ARB2A: variants seen among roughly 807,000 people sequenced by gnomAD.
The protein encoded by ARB2A is cotranscriptional regulator ARB2A.
the ARB2A span, among the ~76,000 whole-genome samples, chr5:93,959,940 C>T: frequency 3.3e-5 from 5 of 151,948 alleles, no homozygotes; most frequent in Non-Finnish European, 7.4e-5. Context: ...CCAGATCAAG[C>T]AGAAAGTTGA....
the ARB2A span, among the ~76,000 whole-genome samples, chr5:94,071,691 A>T: frequency 6.6e-6 from 1 of 152,164 alleles, no homozygotes; most frequent in Non-Finnish European, 1.5e-5. Context: ...AAAATGGCTA[A>T]AACTAAAACA....
chr5:93,861,402 C>T, the ARB2A span: 1 of 149,410 alleles, frequency 6.7e-6, no homozygotes, highest in Non-Finnish European at 1.5e-5. Context: ...TTTTCCACTT[C>T]ACCCCCTAAC....
At chr5:93,708,509 G>A in the ARB2A span, among the ~76,000 whole-genome samples, 1 of 152,160 alleles carries the variant, frequency 6.6e-6, no homozygotes, top group African/African-American at 2.4e-5. Flanking sequence ...AGATCATCAT[G>A]CGTTAGATTC....
the ARB2A span, among the ~76,000 whole-genome samples, chr5:93,988,164 C>T: frequency 6.6e-6 from 1 of 152,176 alleles, no homozygotes; most frequent in South Asian, 2.1e-4. Context: ...CTCTTCCTTG[C>T]TTCTGTAATC....
the ARB2A span, among the ~76,000 whole-genome samples, chr5:93,725,299 A>ATT: frequency 1.3e-5 from 2 of 152,174 alleles, no homozygotes; most frequent in South Asian, 2.1e-4. Flanking sequence ...TGGTATAGTG[A>ATT]TTTTAGTTTG....
chr5:93,970,450 T>A, the ARB2A span, among the ~76,000 whole-genome samples: 1 of 152,166 alleles, frequency 6.6e-6, no homozygotes, highest in Non-Finnish European at 1.5e-5. Flanking sequence ...AATCATTTTT[T>A]AAAAGTTTTT....
the ARB2A span, among the ~76,000 whole-genome samples, chr5:94,050,995 C>T: frequency 6.6e-6 from 1 of 152,096 alleles, no homozygotes; most frequent in South Asian, 2.1e-4. Flanking sequence ...TGCAAACATA[C>T]AGATTATGTA....
At chr5:93,881,563 A>G in the ARB2A span, 1 of 1,611,000 alleles carries the variant, frequency 6.2e-7, no homozygotes, top group Non-Finnish European at 8.5e-7. Flanking sequence ...TAGAAACTTT[A>G]TCTTTTCTTT....
chr5:93,951,680 A>T, the ARB2A span, among the ~76,000 whole-genome samples: 1 of 151,978 alleles, frequency 6.6e-6, no homozygotes, highest in African/African-American at 2.4e-5. Context: ...CCATTGGTTG[A>T]TGTGTCTGTT....
chr5:93,999,716 T>C, the ARB2A span, among the ~76,000 whole-genome samples: 2 of 152,026 alleles, frequency 1.3e-5, no homozygotes, highest in East Asian at 3.9e-4. Context: ...GGTTCAATCT[T>C]GGTGCTGTAC....
the ARB2A span, among the ~76,000 whole-genome samples, chr5:93,886,505 G>C: frequency 6.6e-6 from 1 of 151,806 alleles, no homozygotes; most frequent in Non-Finnish European, 1.5e-5. Flanking sequence ...TTTACCCATA[G>C]ACAAACCACT....
chr5:93,805,287 T>A, the ARB2A span: 19 of 985,148 alleles, frequency 1.9e-5, no homozygotes, highest in Non-Finnish European at 2.2e-5. Flanking sequence ...CTTGAAAGCT[T>A]TTTGGCAATT....
chr5:93,691,308 A>G, the ARB2A span, among the ~76,000 whole-genome samples: 1 of 152,058 alleles, frequency 6.6e-6, no homozygotes, highest in Non-Finnish European at 1.5e-5. Context: ...GCTAACTAGA[A>G]TAAACAGTTT....
At chr5:94,084,274 C>CAAAAAAAAAAAA in the ARB2A span, among the ~76,000 whole-genome samples, 13 of 73,040 alleles carry the variant, frequency 1.8e-4, no homozygotes, top group Non-Finnish European at 2.3e-4. Context: ...AACTTCATCT[C>CAAAAAAAAAAAA]AAAAAAAAAA....
At chr5:93,621,116 G>C in the ARB2A span, 2 of 1,611,632 alleles carry the variant, frequency 1.2e-6, no homozygotes, top group Non-Finnish European at 1.7e-6. Context: ...AAGTTAGCTC[G>C]TGACGGTCGG....
the ARB2A span, among the ~76,000 whole-genome samples, chr5:94,070,527 G>T: frequency 6.6e-6 from 1 of 151,982 alleles, no homozygotes; most frequent in Non-Finnish European, 1.5e-5. Context: ...AAACACTTGG[G>T]GCAATGGATA....
the ARB2A span, among the ~76,000 whole-genome samples, chr5:94,054,153 A>T: frequency 3.9e-5 from 6 of 152,224 alleles, no homozygotes; most frequent in African/African-American, 1.4e-4. Context: ...TTCCCCTATT[A>T]GTAACATTTT....
chr5:93,943,812 G>T, the ARB2A span, among the ~76,000 whole-genome samples: 1 of 151,942 alleles, frequency 6.6e-6, no homozygotes, highest in South Asian at 2.1e-4. Context: ...TGTGAAAAAA[G>T]ATCTTAATCC....
chr5:94,089,215 T>G, the ARB2A span, among the ~76,000 whole-genome samples: 1 of 152,340 alleles, frequency 6.6e-6, no homozygotes, highest in South Asian at 2.1e-4. Context: ...TTTTTCTGCA[T>G]GAGAGTTAAA....
Sources: gnomAD v4.1 joint callset for allele counts (sites outside exome capture counted in the v4.1 genomes callset) on GRCh38, gnomAD v4.1.1 for gene constraint, MANE v1.5 for transcripts, NCBI Gene and HGNC (gene_info 2026-07-23, HGNC 2026-07-21) for gene names.